The following YWHAE variants were observed in gnomAD, a reference collection of about 807,000 sequenced individuals.
YWHAE encodes the protein tyrosine 3-monooxygenase/tryptophan 5-monooxygenase activation protein epsilon.
YWHAE carries 4 observed loss-of-function variants against 30.1 expected under a neutral mutation model. The ratio of observed to expected loss-of-function variants is 0.13; its 90% confidence interval spans 0.07 to 0.30. The LOEUF (loss-of-function observed/expected upper bound fraction) is 0.30. Among genes scored for constraint, YWHAE ranks in the 10% least tolerant of loss-of-function variants. The pLI, the probability that YWHAE is intolerant of heterozygous loss-of-function variation, is 1.00. For missense variants in YWHAE, 121 were observed against 315.9 expected, an observed-to-expected ratio of 0.38 and a Z score of 4.68; for synonymous variants, 118 against 111.8, an observed-to-expected ratio of 1.06 and a Z score of -0.35.
chr17:1,384,517 CT>C (rs1193215897), intron 1 of YWHAE, among the ~76,000 whole-genome samples: 2 of 132,076 alleles, frequency 1.5e-5, no homozygotes, highest in Admixed American at 1.6e-4. Flanking sequence ...CGGTGAAACC[CT>C]GTCTCTACTA....
chr17:1,345,805 C>CA, intron 5 of YWHAE, among the ~76,000 whole-genome samples: 1 of 152,328 alleles, frequency 6.6e-6, no homozygotes, highest in Admixed American at 6.5e-5. Flanking sequence ...AAATGACATT[C>CA]AAGCTTTCAC....
chr17:1,377,447 TA>T (rs1276734717), intron 1 of YWHAE, among the ~76,000 whole-genome samples: 21 of 151,968 alleles, frequency 1.4e-4, no homozygotes, highest in Non-Finnish European at 2.2e-4. Context: ...GGCACTGACA[TA>T]AAAAGGTTCT....
chr17:1,396,355 C>A (rs1025085388), intron 1 of YWHAE, among the ~76,000 whole-genome samples: 2 of 151,396 alleles, frequency 1.3e-5, no homozygotes, highest in Non-Finnish European at 2.9e-5. Context: ...ACCCTGGAGG[C>A]GGAGGTTGCA....
chr17:1,380,657 T>C (rs750620818), intron 1 of YWHAE, among the ~76,000 whole-genome samples: 7 of 152,238 alleles, frequency 4.6e-5, no homozygotes, highest in Non-Finnish European at 1.0e-4. Context: ...GGGGTGTTAA[T>C]GTGCCTGATG....
At chr17:1,349,124 C>G (rs936034313) in intron 5 of YWHAE, among the ~76,000 whole-genome samples, 2 of 151,812 alleles carry the variant, frequency 1.3e-5, no homozygotes, top group Non-Finnish European at 2.9e-5. Context: ...AGGTGGATCA[C>G]GAGGTTAGGA....
At chr17:1,382,110 G>A (rs911071168) in intron 1 of YWHAE, among the ~76,000 whole-genome samples, 3 of 151,958 alleles carry the variant, frequency 2.0e-5, no homozygotes, top group East Asian at 1.9e-4. Context: ...GTGCAGTGGC[G>A]CAATCTCGGC....
intron 1 of YWHAE, among the ~76,000 whole-genome samples, chr17:1,373,677 AAAG>A (rs1307005285): frequency 1.3e-5 from 2 of 152,054 alleles, no homozygotes; most frequent in Non-Finnish European, 2.9e-5. Flanking sequence ...CAAAAAAAAA[AAAG>A]AAAAGTTTGA....
chr17:1,381,223 C>CA (rs2150868197), intron 1 of YWHAE, among the ~76,000 whole-genome samples: 1 of 152,102 alleles, frequency 6.6e-6, no homozygotes, highest in Admixed American at 6.5e-5. Context: ...ACTAAAAATA[C>CA]AAAAATTAGT....
chr17:1,398,211 G>A (rs527800813), intron 1 of YWHAE, among the ~76,000 whole-genome samples: 1 of 152,214 alleles, frequency 6.6e-6, no homozygotes, highest in African/African-American at 2.4e-5. Context: ...AGATTAAGAG[G>A]GGAACATCTG....
intron 1 of YWHAE, among the ~76,000 whole-genome samples, chr17:1,381,984 C>G (rs960194281): frequency 5.5e-5 from 8 of 146,400 alleles, no homozygotes; most frequent in African/African-American, 2.1e-4. Flanking sequence ...GGCACTGGAG[C>G]AAAGAAAAAG....
intron 1 of YWHAE, among the ~76,000 whole-genome samples, chr17:1,387,960 C>T (rs1352803502): frequency 2.2e-5 from 3 of 135,956 alleles, no homozygotes; most frequent in Non-Finnish European, 4.6e-5. Flanking sequence ...GAGTCTCACT[C>T]TGTCGTTCAG....
intron 5 of YWHAE, among the ~76,000 whole-genome samples, chr17:1,347,074 T>TA (rs2072532940): frequency 6.8e-6 from 1 of 147,796 alleles, no homozygotes; most frequent in African/African-American, 2.5e-5. Context: ...ACGCCTGTAA[T>TA]ACCAGCACTT....
At position 1,352,816 on chromosome 17, in the gene YWHAE, C is replaced by T. The variant is rs550359524; in HGVS notation, c.715+1395G>A. Among the ~76,000 whole-genome samples, 6 of 152,258 alleles carry T rather than the reference C, an allele frequency of 3.9e-5. No individual in the cohort carries two copies. The East Asian group carries it at 9.7e-4, about 25-fold the overall frequency. On this transcript the variant is annotated intron_variant, in intron 5 of 5. Transcript: ENST00000264335. Reference sequence around the variant, plus strand: ...CTGGGATTATAGGCATGAGCCACCGCGCCCGGCACAGCCTTAGAAACATTC... The same window carrying T: ...CTGGGATTATAGGCATGAGCCACCGTGCCCGGCACAGCCTTAGAAACATTC...
chr17:1,369,280 G>A (rs34555616), intron 1 of YWHAE, among the ~76,000 whole-genome samples: 3,742 of 152,250 alleles, frequency 0.025, 56 homozygotes, highest in Middle Eastern at 0.041. Context: ...TGGATCATGA[G>A]GTCAGGAGAT....
intron 1 of YWHAE, among the ~76,000 whole-genome samples, chr17:1,386,908 C>T (rs1365616818): frequency 4.6e-5 from 7 of 151,376 alleles, no homozygotes; most frequent in African/African-American, 1.2e-4. Context: ...GAGCCAAGAT[C>T]GCGCCATTGC....
At chr17:1,347,905 G>C (rs2072553516) in intron 5 of YWHAE, 1 of 942,410 alleles carries the variant, frequency 1.1e-6, no homozygotes, top group Non-Finnish European at 1.3e-6. Flanking sequence ...ACGCAGGCAT[G>C]ATTAGTGAAG....
At chr17:1,354,527 C>T (rs1413492434) in intron 4 of YWHAE, among the ~76,000 whole-genome samples, 180 bp from the exon 5 acceptor site, 1 of 152,224 alleles carries the variant, frequency 6.6e-6, no homozygotes, top group Non-Finnish European at 1.5e-5. Flanking sequence ...CTACTTCTTA[C>T]TATGCTTTAA....
chr17:1,354,139 G>A (rs1465599026), intron 5 of YWHAE, 72 bp downstream of exon 5: 17 of 1,544,470 alleles, frequency 1.1e-5, no homozygotes, highest in African/African-American at 1.4e-5. Context: ...GACAAGCCAA[G>A]GAATGTCTAA....
chr17:1,355,376 G>A (rs1227556003), intron 4 of YWHAE, among the ~76,000 whole-genome samples: 1 of 151,260 alleles, frequency 6.6e-6, no homozygotes, highest in Non-Finnish European at 1.5e-5. Flanking sequence ...AGCCAGGATG[G>A]TCTTGATCTT....
Sources: allele counts gnomAD v4.1 joint callset (sites outside exome capture counted in the v4.1 genomes callset), GRCh38; gene constraint gnomAD v4.1.1; transcripts MANE v1.5; gene names NCBI Gene and HGNC (gene_info 2026-07-23, HGNC 2026-07-21).